IQGAP2: variants seen among roughly 807,000 people sequenced by gnomAD.
IQGAP2 encodes IQ motif containing GTPase activating protein 2.
In IQGAP2, 173 loss-of-function variants were observed where a neutral mutation model predicts 201.3. The ratio of observed to expected loss-of-function variants is 0.86; its 90% CI spans 0.76 to 0.98. The LOEUF (loss-of-function observed/expected upper bound fraction) is 0.98. IQGAP2 is among the 50% of genes least tolerant of loss of function. The pLI is 0.00. For missense variants in IQGAP2, 1,687 were observed against 1,864.8 expected (o/e 0.90, Z 1.76); for synonymous variants, 675 against 673.9 (o/e 1.00, Z -0.03).
At chr5:76,513,537 G>A (rs1365840714) in intron 2 of IQGAP2, among the ~76,000 whole-genome samples, 1 of 152,168 alleles carries the variant, frequency 6.6e-6, no homozygotes, top group Non-Finnish European at 1.5e-5. Flanking sequence ...TTCCATATAA[G>A]CCACAGAAAT....
chr5:76,419,674 T>TTTTC, intron 1 of IQGAP2, among the ~76,000 whole-genome samples: 1 of 32,580 alleles, frequency 3.1e-5, no homozygotes, highest in South Asian at 1.0e-3. Context: ...TTTTCTTTTC[T>TTTTC]TTTTTTTTTT....
In IQGAP2 at chr5:76,473,151, C is replaced by A. The variant is rs540986247; in HGVS notation, c.146+11482C>A. On this transcript the variant is annotated intron_variant, in intron 2 of 35. Coordinates refer to ENST00000274364, the MANE Select transcript of IQGAP2 (RefSeq NM_006633.5). ...AAAACTATAACATACTGTCCCATTT[C>A]TTTATTTCTTAATGTGTTTTGATCA... Among the ~76,000 whole-genome samples, 2 of 152,296 alleles carry A rather than the reference C, an allele frequency of 1.3e-5. 1 individual carries two copies.
chr5:76,485,635 G>T (rs866626032), intron 2 of IQGAP2, among the ~76,000 whole-genome samples: 10 of 152,194 alleles, frequency 6.6e-5, no homozygotes, highest in African/African-American at 2.4e-4. Flanking sequence ...CCACACATGG[G>T]GAGTTGAATG....
chr5:76,538,488 T>A (rs540836899), intron 2 of IQGAP2, among the ~76,000 whole-genome samples: 2 of 152,238 alleles, frequency 1.3e-5, no homozygotes, highest in Non-Finnish European at 2.9e-5. Context: ...GACCTCTGCC[T>A]GCCTCAAGCC....
intron 2 of IQGAP2, among the ~76,000 whole-genome samples, chr5:76,560,931 C>T (rs976470899): frequency 6.6e-6 from 1 of 152,128 alleles, no homozygotes. Context: ...AATTTATAAA[C>T]TAGGAATAGA....
intron 1 of IQGAP2, chr5:76,441,393 G>A (rs751597579): frequency 1.1e-5 from 5 of 465,036 alleles, no homozygotes; most frequent in Non-Finnish European, 1.4e-5. Flanking sequence ...TTCCCGGAAG[G>A]AATCAGGAAT....
At chr5:76,525,430 C>T (rs1199908536) in intron 2 of IQGAP2, among the ~76,000 whole-genome samples, 3 of 151,832 alleles carry the variant, frequency 2.0e-5, no homozygotes, top group Admixed American at 6.6e-5. Flanking sequence ...GGAGACAGTG[C>T]ATTAGTTGAT....
chr5:76,420,742 C>A (rs1377895397), intron 1 of IQGAP2, among the ~76,000 whole-genome samples: 5 of 152,204 alleles, frequency 3.3e-5, no homozygotes, highest in African/African-American at 1.2e-4. Context: ...CATTCTCTCT[C>A]CTCCCAGCAC....
rs916635814 is a variant in IQGAP2 at position 76,589,291 on chromosome 5, G to C, written c.526+318G>C. Among the ~76,000 whole-genome samples, 4 of 137,616 alleles carry C rather than the reference G, an allele frequency of 2.9e-5. No homozygotes were observed. In the Admixed American group the frequency reaches 3.1e-4, roughly 11 times the overall value. 90.3% of individuals were successfully genotyped at this position (137,616 alleles called of 152,430 possible). On this transcript the variant is annotated intron_variant, in intron 6 of 35. Transcript: ENST00000274364. ...TGTGCCACTGCACTCCAGCCTGGAC[G>C]ACAGAGCGAGACTCTGCCTCAAAAA...
intron 1 of IQGAP2, among the ~76,000 whole-genome samples, chr5:76,407,899 G>A (rs1342971050): frequency 1.3e-5 from 2 of 152,306 alleles, no homozygotes; most frequent in Non-Finnish European, 2.9e-5. Flanking sequence ...GGGAAGCCAA[G>A]GCGGGTGGAT....
chr5:76,540,207 A>G (rs4704327), intron 2 of IQGAP2, among the ~76,000 whole-genome samples: 23,549 of 152,214 alleles, frequency 0.15, 1,970 homozygotes, highest in Admixed American at 0.27. Context: ...ATGGACGGTC[A>G]AAATAAATGG....
chr5:76,508,169 A>T lies in IQGAP2; in HGVS notation c.146+46500A>T, dbSNP rs541754693. 4.4e-3 allele frequency among the ~76,000 whole-genome samples: 356 copies of T among 81,254 alleles called. 1 individual carries two copies. The highest frequency in any genetic ancestry group is 0.011 in the Middle Eastern group (2 of 182). The allele number at this position is 81,254 out of a possible 152,430, so 53.3% of individuals were successfully genotyped here. A position where few individuals can be genotyped will look rare whatever the true frequency, so the allele number is the denominator to read the frequency against. Reference sequence around the variant, plus strand: ...AACATGGCAAAACCCCATCTCAACTAAAAAAAATACAAAAATTAGCTGGGC... The same window carrying T: ...AACATGGCAAAACCCCATCTCAACTTAAAAAAATACAAAAATTAGCTGGGC... On this transcript the variant is annotated intron_variant, in intron 2 of 35. Transcript: ENST00000274364.
rs1420100171 is a variant in IQGAP2 at position 76,403,607 on chromosome 5, G to C, written c.46+16G>C. On this transcript the variant is annotated intron_variant, in intron 1 of 35. Transcript: ENST00000274364. The surrounding 1 kb of genome is among the most constrained non-coding windows in gnomAD (Gnocchi z 4.8). ...CGCTATGGCTGTAAGTGCGCCGGGCGCGCGGGGTTCCTGCTGGCCTTGGGG... is the reference window on the plus strand; with the variant it reads ...CGCTATGGCTGTAAGTGCGCCGGGCCCGCGGGGTTCCTGCTGGCCTTGGGG... 8.5e-6 allele frequency: 13 copies of C among 1,524,462 alleles called. No homozygotes were observed. Among genetic ancestry groups the C allele is most frequent in the Non-Finnish European group, 8.8e-6 (10 of 1,138,870 alleles). The allele number at this position is 1,524,462 out of a possible 1,614,324, so 94.4% of individuals were successfully genotyped here. A position where few individuals can be genotyped will look rare whatever the true frequency, so the allele number is the denominator to read the frequency against.
At chr5:76,685,121 A>G (rs1285709321) in intron 30 of IQGAP2, among the ~76,000 whole-genome samples, 2 of 152,132 alleles carry the variant, frequency 1.3e-5, no homozygotes, top group African/African-American at 2.4e-5. Context: ...CAGGACTAGG[A>G]CTCACCCTTG....
chr5:76,440,888 A>G (rs531922153), intron 1 of IQGAP2, among the ~76,000 whole-genome samples: 2 of 152,218 alleles, frequency 1.3e-5, no homozygotes, highest in East Asian at 3.9e-4. Context: ...AAAATTAGCC[A>G]GGCGTGGTGG....
At chr5:76,499,606 G>A (rs1045271179) in intron 2 of IQGAP2, among the ~76,000 whole-genome samples, 2 of 152,162 alleles carry the variant, frequency 1.3e-5, no homozygotes, top group African/African-American at 4.8e-5. Context: ...CACATACCCA[G>A]CAGCATTTGA....
chr5:76,633,405 A>G lies in IQGAP2; in HGVS notation c.1780+1379A>G, dbSNP rs77941611. Among the ~76,000 whole-genome samples, 1,207 of 152,322 alleles carry G rather than the reference A, an allele frequency of 7.9e-3. 18 individuals are homozygous for G. Among genetic ancestry groups the G allele is most frequent in the African/African-American group, 0.027 (1,138 of 41,568 alleles). On this transcript the variant is annotated intron_variant, in intron 15 of 35. Coordinates refer to ENST00000274364, the MANE Select transcript of IQGAP2 (RefSeq NM_006633.5). ...AACAATTTTTTGTAGTTTTCTGCAT[A>G]TAAGGCTTGCATTTGTTTCATTAAA...
rs578201544 is a variant in IQGAP2, at chr5:76,514,436, T to C, written c.147-47960T>C. On this transcript the variant is annotated intron_variant, in intron 2 of 35. Coordinates refer to ENST00000274364, the MANE Select transcript of IQGAP2 (RefSeq NM_006633.5). ...GATGAGCTTTTCCTTATCTGTTTTC[T>C]CTCTCCCATTCCAGCTGCCAGCATG... Among the ~76,000 whole-genome samples the C allele has an allele frequency of 1.2e-4, 19 of 152,284 alleles. No individual in the cohort carries two copies. In the South Asian group the frequency reaches 3.9e-3, roughly 32 times the overall value.
intron 2 of IQGAP2, among the ~76,000 whole-genome samples, chr5:76,534,175 A>G (rs141137178): frequency 3.8e-4 from 58 of 152,340 alleles, no homozygotes; most frequent in African/African-American, 1.4e-3. Flanking sequence ...ATGGAGAGCT[A>G]GTTATTTCAA....
Sources: allele counts gnomAD v4.1 joint callset (sites outside exome capture counted in the v4.1 genomes callset), GRCh38; gene constraint gnomAD v4.1.1; non-coding constraint Gnocchi (gnomAD v3.1); transcripts MANE v1.5; gene names NCBI Gene and HGNC (gene_info 2026-07-23, HGNC 2026-07-21).